The following MALRD1 variants were observed in gnomAD, a reference collection of about 807,000 sequenced individuals.
MALRD1 encodes MAM and LDL-receptor class A domain-containing protein 1.
A neutral mutation model predicts 242.1 loss-of-function variants in MALRD1; 247 were observed. The observed-to-expected ratio is 1.02, with a 90% CI of 0.92 to 1.13. The LOEUF (loss-of-function observed/expected upper bound fraction) is 1.13, where lower values mean the gene tolerates loss of function less well. MALRD1 is among the 50% of genes most tolerant of loss of function. The pLI is 0.00. For synonymous variants in MALRD1, 995 were observed against 866.6 expected, an observed-to-expected ratio of 1.15 and a Z score of -2.60; for missense variants, 2,989 against 2,533.1, an observed-to-expected ratio of 1.18 and a Z score of -3.86.
intron 34 of MALRD1, among the ~76,000 whole-genome samples, chr10:19,604,580 G>A (rs949163928): frequency 2.0e-5 from 3 of 152,154 alleles, no homozygotes; most frequent in African/African-American, 7.2e-5. Flanking sequence ...TGGAGAAGCT[G>A]TACCAAGTTA....
intron 21 of MALRD1, among the ~76,000 whole-genome samples, chr10:19,298,437 T>G (rs557932942): frequency 2.7e-5 from 4 of 149,098 alleles, no homozygotes; most frequent in Non-Finnish European, 5.9e-5. Flanking sequence ...AGAGAACTGA[T>G]AGGAAAGACA....
chr10:19,365,301 T>A (rs1845058967), intron 26 of MALRD1, among the ~76,000 whole-genome samples: 1 of 152,102 alleles, frequency 6.6e-6, no homozygotes, highest in South Asian at 2.1e-4. Flanking sequence ...AGTGATGATT[T>A]TTTTTGTGGT....
At chr10:19,378,815 G>C (rs1275109933) in intron 26 of MALRD1, among the ~76,000 whole-genome samples, 1 of 152,026 alleles carries the variant, frequency 6.6e-6, no homozygotes, top group Non-Finnish European at 1.5e-5. Flanking sequence ...GAGTAATATT[G>C]ACATCATAAA....
intron 29 of MALRD1, among the ~76,000 whole-genome samples, chr10:19,460,630 A>T (rs1211801569): frequency 6.6e-6 from 1 of 152,176 alleles, no homozygotes; most frequent in African/African-American, 2.4e-5. Context: ...AGTACAGTTT[A>T]AAGTATCTGA....
chr10:19,619,227 C>T (rs533515301), intron 36 of MALRD1, among the ~76,000 whole-genome samples: 1 of 152,124 alleles, frequency 6.6e-6, no homozygotes, highest in East Asian at 1.9e-4. Context: ...CAGAGGATGC[C>T]TTTTCATCCT....
At chr10:19,369,790 A>T (rs1845293306) in intron 26 of MALRD1, among the ~76,000 whole-genome samples, 1 of 151,704 alleles carries the variant, frequency 6.6e-6, no homozygotes, top group Admixed American at 6.6e-5. Context: ...AGTTATAGAT[A>T]TTTTTTATAT....
At chr10:19,601,327 T>C (rs1004879265) in intron 34 of MALRD1, among the ~76,000 whole-genome samples, 1 of 152,124 alleles carries the variant, frequency 6.6e-6, no homozygotes, top group Non-Finnish European at 1.5e-5. Context: ...AATTATTCTA[T>C]GTTGTACTTA....
intron 32 of MALRD1, among the ~76,000 whole-genome samples, chr10:19,534,393 C>G (rs1191037389): frequency 2.6e-5 from 4 of 152,150 alleles, no homozygotes. Flanking sequence ...CGGATTGAGG[C>G]TTTCCATTAG....
chr10:19,452,729 A>C (rs1835397257), intron 29 of MALRD1, among the ~76,000 whole-genome samples: 1 of 152,200 alleles, frequency 6.6e-6, no homozygotes, highest in East Asian at 1.9e-4. Flanking sequence ...GATCAGAAGG[A>C]GCTTAGAGTG....
chr10:19,165,688 A>G lies in MALRD1; in HGVS notation c.1708A>G (p.Arg570Gly), dbSNP rs1834658697. The G allele has an allele frequency of 1.6e-6, 2 of 1,231,566 alleles. No individual in the cohort carries two copies. The highest frequency in any genetic ancestry group is 2.0e-6 in the Non-Finnish European group (2 of 987,958). The allele number at this position is 1,231,566 out of a possible 1,614,324, so 76.3% of individuals were successfully genotyped here. The change falls in exon 13 of 40, where the codon AGA (arginine) becomes GGA (glycine). Residue 570 changes from arginine to glycine, a missense_variant. Physicochemically the swap from Arg to Gly is moderately radical, Grantham distance 125. Transcript: ENST00000454679. ...SQHSNLSVFT[R>G]TSLDGNLQKQ... ...ACATTCAAATCTCTCAGTTTTTACAAGAACGTCTCTAGATGGAAACTTGCA... is the reference window on the plus strand; with the variant it reads ...ACATTCAAATCTCTCAGTTTTTACAGGAACGTCTCTAGATGGAAACTTGCA...
In MALRD1 at chr10:19,204,373, A is replaced by G; in HGVS notation, c.2170A>G (p.Thr724Ala). Residue 724 changes from threonine to alanine, a missense_variant, in exon 16 of 40, where the codon ACT (threonine) becomes GCT (alanine). Coordinates refer to ENST00000454679, the MANE Select transcript of MALRD1 (RefSeq NM_001142308.3). ...LWQVAKLQSP[T>A]FSQTGPGCIL... The stretch of plus-strand genomic sequence containing the variant: ...GCAAGTTGCTAAGCTTCAGAGCCCA[A>G]CTTTCAGCCAGACAGGACCTGGATG... 1.3e-6 allele frequency: 2 copies of G among 1,549,514 alleles called. No individual in the cohort carries two copies. Among genetic ancestry groups the G allele is most frequent in the Non-Finnish European group, 1.7e-6 (2 of 1,146,606 alleles).
chr10:19,062,484 T>C (rs1407454166), intron 1 of MALRD1, among the ~76,000 whole-genome samples: 1 of 152,220 alleles, frequency 6.6e-6, no homozygotes, highest in Non-Finnish European at 1.5e-5. Context: ...ACACCCATGT[T>C]CACAGCAGTG....
chr10:19,694,790 C>G (rs200797831), intron 38 of MALRD1, among the ~76,000 whole-genome samples: 2 of 152,252 alleles, frequency 1.3e-5, no homozygotes, highest in East Asian at 1.9e-4. Flanking sequence ...TATTGCGGCA[C>G]TATTCACAAT....
chr10:19,219,227 G>A (rs1051791837), intron 18 of MALRD1, among the ~76,000 whole-genome samples: 2 of 152,058 alleles, frequency 1.3e-5, no homozygotes, highest in African/African-American at 4.8e-5. Flanking sequence ...TGTAATTTTG[G>A]AGGATCACAA....
At chr10:19,668,392 C>G (rs566347862) in intron 36 of MALRD1, among the ~76,000 whole-genome samples, 1 of 151,984 alleles carries the variant, frequency 6.6e-6, no homozygotes. Context: ...GGTTGGTGAC[C>G]TAAAACATAG....
intron 35 of MALRD1, among the ~76,000 whole-genome samples, chr10:19,612,468 A>G (rs564553476): frequency 6.6e-6 from 1 of 151,912 alleles, no homozygotes; most frequent in African/African-American, 2.4e-5. Flanking sequence ...CTCAAGGTAT[A>G]TTTCAGTTTT....
At chr10:19,317,712 T>C (rs1842763252) in intron 21 of MALRD1, among the ~76,000 whole-genome samples, 1 of 152,012 alleles carries the variant, frequency 6.6e-6, no homozygotes, top group East Asian at 1.9e-4. Flanking sequence ...TTAGAGTAAC[T>C]ACTCAGGAGA....
chr10:19,642,244 TG>T, intron 36 of MALRD1, among the ~76,000 whole-genome samples: 1 of 152,314 alleles, frequency 6.6e-6, no homozygotes, highest in East Asian at 1.9e-4. Context: ...TAGTTAATTC[TG>T]TCACTCTTCT....
At chr10:19,706,588 G>A (rs1310268832) in intron 38 of MALRD1, among the ~76,000 whole-genome samples, 1 of 152,108 alleles carries the variant, frequency 6.6e-6, no homozygotes, top group East Asian at 1.9e-4. Flanking sequence ...CTGACCTCAG[G>A]TGATCTGCCC....
Sources: gnomAD v4.1 joint callset for allele counts (sites outside exome capture counted in the v4.1 genomes callset) on GRCh38, gnomAD v4.1.1 for gene constraint, MANE v1.5 for transcripts, NCBI Gene and HGNC (gene_info 2026-07-23, HGNC 2026-07-21) for gene names.